NRXN3: variants seen among roughly 807,000 people sequenced by gnomAD.
The protein encoded by NRXN3 is neurexin 3.
A neutral mutation model predicts 137.6 loss-of-function variants in NRXN3; 32 were observed. The observed-to-expected ratio is 0.23, with a 90% CI of 0.18 to 0.31. The LOEUF is 0.31. Among genes scored for constraint, NRXN3 ranks in the 10% least tolerant of loss-of-function variants. NRXN3 has a pLI of 1.00. For missense variants in NRXN3, 1,574 were observed against 2,062.5 expected, an observed-to-expected ratio of 0.76 and a Z score of 4.59; for synonymous variants, 798 against 784.5, an observed-to-expected ratio of 1.02 and a Z score of -0.29.
rs1325795921 is a variant in NRXN3, at chr14:78,243,538, C to G, written c.445C>G (p.Leu149Val). The change falls in exon 2 of 21, where the codon CTT becomes GTT. Residue 149 changes from leucine (L) to valine (V), a missense_variant. Leu to Val is a conservative substitution (Grantham distance 32). Transcript: ENST00000335750. The surrounding 1 kb of genome is among the most constrained non-coding windows in gnomAD (Gnocchi z 4.2). ...PYMDVVSDLF[L>V]GGVPTDIRPS... Reference sequence around the variant, plus strand: ...CATGGATGTGGTCAGTGACTTGTTCCTTGGTGGAGTCCCTACTGACATACG... The same window carrying G: ...CATGGATGTGGTCAGTGACTTGTTCGTTGGTGGAGTCCCTACTGACATACG... The G allele has an allele frequency of 6.3e-7, 1 of 1,597,460 alleles. No homozygotes were observed.
chr14:79,788,202 A>G (rs1238850283), intron 19 of NRXN3, among the ~76,000 whole-genome samples: 1 of 152,160 alleles, frequency 6.6e-6, no homozygotes, highest in Non-Finnish European at 1.5e-5. Flanking sequence ...CACTACCACA[A>G]GAACAGCATG....
chr14:79,560,585 A>G (rs1257467302), intron 16 of NRXN3, among the ~76,000 whole-genome samples: 1 of 136,638 alleles, frequency 7.3e-6, no homozygotes, highest in Non-Finnish European at 1.5e-5. Context: ...ATCTCGGCTC[A>G]CTGCAACCTC....
intron 15 of NRXN3, among the ~76,000 whole-genome samples, chr14:79,129,389 G>A (rs925854312): frequency 1.2e-3 from 187 of 150,674 alleles, no homozygotes; most frequent in African/African-American, 3.2e-3. Context: ...CTTTGTTCTC[G>A]TTGGTTTCAA....
intron 4 of NRXN3, among the ~76,000 whole-genome samples, chr14:78,426,728 GC>G (rs1234236339): frequency 1.3e-5 from 2 of 152,096 alleles, no homozygotes; most frequent in African/African-American, 2.4e-5. Flanking sequence ...CTTCCTCTGG[GC>G]ACCTCTCATG....
chr14:79,033,841 A>G (rs1430151451), intron 15 of NRXN3, among the ~76,000 whole-genome samples: 1 of 152,126 alleles, frequency 6.6e-6, no homozygotes, highest in Non-Finnish European at 1.5e-5. Flanking sequence ...TGGGTAGACT[A>G]GTTTCAGCCG....
chr14:79,591,546 C>T (rs2543570), intron 16 of NRXN3, among the ~76,000 whole-genome samples: 74,650 of 152,040 alleles, frequency 0.49, 20,710 homozygotes, highest in African/African-American at 0.76. Flanking sequence ...AACTCTTCCA[C>T]AGATTTTCAG....
chr14:78,287,022 A>G (rs966241863), intron 3 of NRXN3, among the ~76,000 whole-genome samples: 2 of 152,212 alleles, frequency 1.3e-5, no homozygotes, highest in African/African-American at 2.4e-5. Flanking sequence ...AAACTCTGGT[A>G]TGCATCAGAA....
At chr14:79,288,439 C>T (rs746886448) in intron 15 of NRXN3, among the ~76,000 whole-genome samples, 3 of 152,210 alleles carry the variant, frequency 2.0e-5, no homozygotes. Context: ...TACACCAACA[C>T]ATAATGTACA....
At chr14:78,708,911 C>A (rs1398120609) in intron 6 of NRXN3, among the ~76,000 whole-genome samples, 1 of 152,164 alleles carries the variant, frequency 6.6e-6, no homozygotes, top group East Asian at 1.9e-4. Context: ...TATGTGAATC[C>A]ATGCAACTCG....
At chr14:79,687,496 C>T (rs1229340032) in intron 17 of NRXN3, among the ~76,000 whole-genome samples, 1 of 152,192 alleles carries the variant, frequency 6.6e-6, no homozygotes, top group Non-Finnish European at 1.5e-5. Flanking sequence ...TTGCCTCTGA[C>T]TTTAATACAT....
chr14:78,313,994 T>C (rs1478757496), intron 4 of NRXN3, among the ~76,000 whole-genome samples: 1 of 152,148 alleles, frequency 6.6e-6, no homozygotes, highest in Non-Finnish European at 1.5e-5. Flanking sequence ...AATCAGTCTT[T>C]GTTCTTGAGC....
intron 4 of NRXN3, among the ~76,000 whole-genome samples, chr14:78,561,018 A>AAAC (rs2096781448): frequency 6.6e-6 from 1 of 152,216 alleles, no homozygotes; most frequent in Non-Finnish European, 1.5e-5. Context: ...TTACTTCCCA[A>AAAC]ATTTTAGTGA....
intron 15 of NRXN3, among the ~76,000 whole-genome samples, chr14:79,286,342 A>G (rs1390572848): frequency 6.6e-6 from 1 of 152,124 alleles, no homozygotes; most frequent in Non-Finnish European, 1.5e-5. Flanking sequence ...GAGAAAAAAT[A>G]GGTTAACTAA....
intron 15 of NRXN3, among the ~76,000 whole-genome samples, chr14:79,319,133 T>C (rs2089491781): frequency 6.6e-6 from 1 of 152,234 alleles, no homozygotes; most frequent in Non-Finnish European, 1.5e-5. Context: ...AAATATCCTT[T>C]ATTATGAGTA....
chr14:79,425,482 T>C (rs1420009460), intron 15 of NRXN3, among the ~76,000 whole-genome samples: 1 of 152,210 alleles, frequency 6.6e-6, no homozygotes, highest in Admixed American at 6.5e-5. Flanking sequence ...CCCCTTTTAT[T>C]TTTCTATCAG....
At chr14:78,328,059 G>C (rs2080319224) in intron 4 of NRXN3, among the ~76,000 whole-genome samples, 1 of 152,112 alleles carries the variant, frequency 6.6e-6, no homozygotes, top group South Asian at 2.1e-4. Flanking sequence ...ATTCAAGAAA[G>C]AGAATTCTGG....
Position 79,225,053 on chromosome 14 carries a change from G to A in NRXN3, c.3262+236912G>A, listed in dbSNP as rs138590269. ...TGGACACTGAGGGGCATCCACAGAG[G>A]TCACCAAAGTGGAGTGGCCAGAACT... On this transcript the variant is annotated intron_variant, in intron 15 of 20. Coordinates refer to ENST00000335750, the MANE Select transcript of NRXN3 (RefSeq NM_001330195.2). 6.9e-4 allele frequency among the ~76,000 whole-genome samples: 105 copies of A among 152,276 alleles called. 4 individuals carry two copies. In the East Asian group the frequency reaches 0.018, roughly 26 times the overall value.
intron 16 of NRXN3, among the ~76,000 whole-genome samples, chr14:79,599,242 G>A (rs1192756194): frequency 6.6e-6 from 1 of 152,072 alleles, no homozygotes; most frequent in African/African-American, 2.4e-5. Context: ...CATTCATTTG[G>A]TTCTAATCCT....
rs138323844 is a variant in NRXN3, at chr14:79,260,842, T to G, written c.3263-206379T>G. Among the ~76,000 whole-genome samples, 297 of 152,314 alleles carry G rather than the reference T, an allele frequency of 1.9e-3. 1 individual carries two copies. Among genetic ancestry groups the G allele is most frequent in the African/African-American group, 6.8e-3 (283 of 41,572 alleles). ...CCAATGTCCTAGTCAAGAGATACTATAGTCAAGTACCTGGCCACATAGGAA... is the reference window on the plus strand; with the variant it reads ...CCAATGTCCTAGTCAAGAGATACTAGAGTCAAGTACCTGGCCACATAGGAA... On this transcript the variant is annotated intron_variant, in intron 15 of 20. Transcript: ENST00000335750.
Sources: allele counts gnomAD v4.1 joint callset (sites outside exome capture counted in the v4.1 genomes callset), GRCh38; gene constraint gnomAD v4.1.1; non-coding constraint Gnocchi (gnomAD v3.1); transcripts MANE v1.5; gene names NCBI Gene and HGNC (gene_info 2026-07-23, HGNC 2026-07-21).